Variants in RXYLT1 observed in about 807,000 individuals in gnomAD.
The protein encoded by RXYLT1 is ribitol-5-phosphate xylosyltransferase 1.
Under a neutral mutation model 43.5 loss-of-function variants are expected in RXYLT1, and 41 were observed. The observed-to-expected ratio is 0.94, with a 90% CI of 0.73 to 1.22. RXYLT1 has a LOEUF of 1.22. Among genes scored for constraint, RXYLT1 ranks in the 50% most tolerant of loss-of-function variants. The pLI is 0.00. For synonymous variants in RXYLT1, 166 were observed against 194.4 expected, an observed-to-expected ratio of 0.85 and a Z score of 1.21; for missense variants, 514 against 532.0, an observed-to-expected ratio of 0.97 and a Z score of 0.33.
chr12:63,780,322 A>G, intron 1 of RXYLT1, 193 bp downstream of exon 1: 1 of 1,298,778 alleles, frequency 7.7e-7, no homozygotes, highest in Non-Finnish European at 9.7e-7. Context: ...TCTTACCCAG[A>G]TCTCACACGC....
chr12:63,805,283 G>T lies in RXYLT1; in HGVS notation c.793G>T (p.Glu265Ter), dbSNP rs574169986. Residue 265 changes from glutamate (E) to a stop codon, truncating the protein, a stop_gained, in exon 5 of 6, where the codon GAG becomes TAG. Transcript: ENST00000261234. LOFTEE classifies it high-confidence loss of function. ...VEASWSMLHDERPYLCNFLGT... is the reference protein window; with the variant it reads ...VEASWSMLHD Reference sequence around the variant, plus strand: ...GGCAAGTTGGTCAATGCTGCATGATGAGAGGCCATATTTATGTAATTTCTT... The same window carrying T: ...GGCAAGTTGGTCAATGCTGCATGATTAGAGGCCATATTTATGTAATTTCTT... 1.2e-6 allele frequency: 2 copies of T among 1,613,478 alleles called. No individual in the cohort carries two copies. The highest frequency in any genetic ancestry group is 1.7e-6 in the Non-Finnish European group (2 of 1,179,774).
At chr12:63,790,103 A>T (rs1897890488) in intron 3 of RXYLT1, among the ~76,000 whole-genome samples, 1 of 152,216 alleles carries the variant, frequency 6.6e-6, no homozygotes, top group African/African-American at 2.4e-5. Context: ...ATTTTCATCA[A>T]CACATAGGCC....
chr12:63,800,509 A>G (rs1454157506), intron 3 of RXYLT1, among the ~76,000 whole-genome samples: 1 of 152,236 alleles, frequency 6.6e-6, no homozygotes, highest in Admixed American at 6.5e-5. Flanking sequence ...GTTCTATTTA[A>G]TACATACTAG....
At chr12:63,808,347 C>T (rs1446330315) in intron 5 of RXYLT1, 2 of 302,786 alleles carry the variant, frequency 6.6e-6, no homozygotes, top group Non-Finnish European at 1.2e-5. Context: ...TCCATCTCCA[C>T]CACTAGAACT....
At chr12:63,792,790 T>A (rs529853658) in intron 3 of RXYLT1, among the ~76,000 whole-genome samples, 1 of 152,350 alleles carries the variant, frequency 6.6e-6, no homozygotes, top group African/African-American at 2.4e-5. Flanking sequence ...ATTAAATGAC[T>A]AGTAAAGATG....
Position 63,805,410 on chromosome 12 carries a change from T to G in RXYLT1, c.914+6T>G, listed in dbSNP as rs748809209. 11 of 1,574,158 alleles carry G rather than the reference T, an allele frequency of 7.0e-6. No homozygotes were observed. The highest frequency in any genetic ancestry group is 6.0e-6 in the Non-Finnish European group (7 of 1,164,232). ...TGGGTTTCAGCAAGAGAACAGTAAG[T>G]TCTATGCTTATTTAATTCATTCATT... On this transcript the variant is annotated splice_donor_region_variant and intron_variant, in intron 5 of 5. Transcript: ENST00000261234.
Position 63,802,319 on chromosome 12 carries a change from A to G in RXYLT1, c.657A>G (p.Gly219=). Residue 219 remains glycine, a synonymous_variant, in exon 4 of 6, where the codon GGA becomes GGG. Coordinates refer to ENST00000261234, the MANE Select transcript of RXYLT1 (RefSeq NM_014254.3). ...EWINPFLKRN[G]GFVELLFIIY... is the part of the protein sequence containing the mutation. ...TAAACCCATTCCTCAAAAGAAATGG[A>G]GGCTTCGTGGAGCTGCTTTTCATAA... 1.2e-6 allele frequency: 2 copies of G among 1,613,184 alleles called. No individual in the cohort carries two copies. Among genetic ancestry groups the G allele is most frequent in the Non-Finnish European group, 1.7e-6 (2 of 1,179,184 alleles).
chr12:63,781,609 C>T (rs191871233), intron 2 of RXYLT1, among the ~76,000 whole-genome samples: 27 of 152,244 alleles, frequency 1.8e-4, no homozygotes, highest in African/African-American at 6.0e-4. Context: ...TCTCAAGAGC[C>T]TTTAATATGA....
chr12:63,783,470 AAAC>A lies in RXYLT1; in HGVS notation c.326-1498_326-1496del, dbSNP rs544645209. ...AGCGAGACTCTGTCTCAAAAAAAAAAAACATTGCATATTCTTACCAACAATCTG... is the reference window on the plus strand; with the variant it reads ...AGCGAGACTCTGTCTCAAAAAAAAAAATTGCATATTCTTACCAACAATCTG... On this transcript the variant is annotated intron_variant, in intron 2 of 5. Coordinates refer to ENST00000261234, the MANE Select transcript of RXYLT1 (RefSeq NM_014254.3). Among the ~76,000 whole-genome samples the A allele has an allele frequency of 3.9e-5, 6 of 152,276 alleles. No homozygotes were observed. In the South Asian group the frequency reaches 1.2e-3, roughly 32 times the overall value.
intron 3 of RXYLT1, among the ~76,000 whole-genome samples, chr12:63,787,799 G>A (rs1278852846): frequency 6.6e-6 from 1 of 152,108 alleles, no homozygotes; most frequent in African/African-American, 2.4e-5. Context: ...GCTAATTTTT[G>A]TATTTTTAGT....
At chr12:63,807,743 A>C (rs912802446) in intron 5 of RXYLT1, 4 of 152,116 alleles carry the variant, frequency 2.6e-5, no homozygotes, top group Non-Finnish European at 4.4e-5. Flanking sequence ...TATTGTATTT[A>C]GTAGAGACGG....
chr12:63,785,010 TC>T lies in RXYLT1; in HGVS notation c.369del (p.Ser124AlafsTer3). ...WEHIFEGLLDPSDVTAQWREG... is the reference protein window; with the variant it reads ...WEHIFEGLLDXSDVTAQWREG... ...AGCATATTTTTGAAGGCTTACTTGA[TC>T]CCAGCGATGTGACTGCTCAATGGAG... On this transcript the variant is annotated frameshift_variant, in exon 3 of 6. Transcript: ENST00000261234. LOFTEE classifies it high-confidence loss of function. 6.2e-7 allele frequency: 1 copy of T among 1,613,968 alleles called. No individual in the cohort carries two copies. The highest frequency in any genetic ancestry group is 8.5e-7 in the Non-Finnish European group (1 of 1,179,862).
In RXYLT1 at chr12:63,809,116, A is replaced by T; in HGVS notation, c.*24A>T. ...AATTATCTTTTTGAGCTAACATGTG[A>T]TTTTTAAAATCATTTTGACTACTGG... is the stretch of plus-strand genomic sequence containing the variant. On this transcript the variant is annotated 3_prime_UTR_variant, in exon 6 of 6. Transcript: ENST00000261234. The T allele has an allele frequency of 7.0e-7, 1 of 1,432,318 alleles. No individual in the cohort carries two copies. The highest frequency in any genetic ancestry group is 1.3e-5 in the South Asian group (1 of 77,656). The allele number at this position is 1,432,318 out of a possible 1,614,324, so 88.7% of individuals were successfully genotyped here. A position where few individuals can be genotyped will look rare whatever the true frequency, so the allele number is the denominator to read the frequency against.
chr12:63,799,843 C>T (rs944266362), intron 3 of RXYLT1, among the ~76,000 whole-genome samples: 1 of 152,062 alleles, frequency 6.6e-6, no homozygotes, highest in Admixed American at 6.6e-5. Context: ...ACAAAGTATT[C>T]GTATGCTACC....
Position 63,808,853 on chromosome 12 carries a change from A to T in RXYLT1, c.1093A>T (p.Thr365Ser), listed in dbSNP as rs1392797947. The change falls in exon 6 of 6, where the codon ACA (threonine) becomes TCA (serine). Residue 365 changes from threonine to serine, a missense_variant. Physicochemically the swap from Thr to Ser is moderately conservative, Grantham distance 58. Transcript: ENST00000261234. ...GATGACAGCTGGCAACTGTGGGAAT[A>T]CATCTGTGCACCACGGTGCTCCTCT... ...DVMTAGNCGN[T>S]SVHHGAPLQL... The T allele has an allele frequency of 6.2e-7, 1 of 1,614,164 alleles. No individual in the cohort carries two copies.
At chr12:63,802,784 C>T (rs1273828142) in intron 4 of RXYLT1, among the ~76,000 whole-genome samples, 1 of 151,866 alleles carries the variant, frequency 6.6e-6, no homozygotes, top group Non-Finnish European at 1.5e-5. Flanking sequence ...CAGGAATATA[C>T]CGTACCATTG....
intron 3 of RXYLT1, among the ~76,000 whole-genome samples, chr12:63,794,124 G>T (rs1897977352): frequency 6.6e-6 from 1 of 152,196 alleles, no homozygotes; most frequent in Non-Finnish European, 1.5e-5. Flanking sequence ...ACTCCAGTAG[G>T]ATTCTCTGGG....
chr12:63,805,561 T>G (rs925009124), intron 5 of RXYLT1, 157 bp downstream of exon 5: 5 of 663,092 alleles, frequency 7.5e-6, no homozygotes, highest in African/African-American at 3.8e-5. Context: ...AAAGACTGGG[T>G]TGTACACATT....
chr12:63,791,562 T>G (rs1471674581), intron 3 of RXYLT1, among the ~76,000 whole-genome samples: 1 of 152,232 alleles, frequency 6.6e-6, no homozygotes, highest in Non-Finnish European at 1.5e-5. Flanking sequence ...ATAACGTTAA[T>G]GGTTACTGAC....
Sources: gnomAD v4.1 joint callset for allele counts (sites outside exome capture counted in the v4.1 genomes callset) on GRCh38, gnomAD v4.1.1 for gene constraint, MANE v1.5 for transcripts, NCBI Gene and HGNC (gene_info 2026-07-23, HGNC 2026-07-21) for gene names.